Variants in CTNNA3 observed in about 807,000 individuals in gnomAD.
CTNNA3 encodes the protein catenin alpha-3.
A neutral mutation model predicts 95.7 loss-of-function variants in CTNNA3; 76 were observed. The ratio of observed to expected loss-of-function variants is 0.79; its 90% CI spans 0.66 to 0.96. The LOEUF is 0.96. CTNNA3 is among the 40% of genes least tolerant of loss of function. The pLI, the probability that CTNNA3 is intolerant of heterozygous loss-of-function variation, is 0.00. For missense variants in CTNNA3, 1,191 were observed against 1,089.8 expected (o/e 1.09, Z -1.31); for synonymous variants, 431 against 374.4 (o/e 1.15, Z -1.74).
chr10:67,436,109 C>G (rs867697787), intron 5 of CTNNA3, among the ~76,000 whole-genome samples: 1 of 152,092 alleles, frequency 6.6e-6, no homozygotes, highest in Non-Finnish European at 1.5e-5. Flanking sequence ...CAGCATGGTA[C>G]TGGTATAAAA....
chr10:66,851,672 G>T (rs928466315), intron 7 of CTNNA3, among the ~76,000 whole-genome samples: 69 of 111,604 alleles, frequency 6.2e-4, no homozygotes, highest in African/African-American at 2.4e-3. Flanking sequence ...ACACACACAC[G>T]CCATGTGATA....
intron 7 of CTNNA3, among the ~76,000 whole-genome samples, chr10:67,023,860 C>A (rs1564838533): frequency 6.6e-6 from 1 of 152,124 alleles, no homozygotes; most frequent in South Asian, 2.1e-4. Context: ...TATGTAACTT[C>A]AGGTAGAATG....
At position 67,325,441 on chromosome 10, in the gene CTNNA3, C is replaced by G. The variant is rs779764010; in HGVS notation, c.580-105571G>C. Among the ~76,000 whole-genome samples the G allele has an allele frequency of 7.9e-4, 121 of 152,242 alleles. No individual in the cohort carries two copies. In the Middle Eastern group the frequency reaches 0.02, roughly 26 times the overall value. ...GATTCTGGTATGTTGTATCTTTGTT[C>G]TCACTGGTTTCAAAGAACTTCTTAG... is the stretch of plus-strand genomic sequence containing the variant. On this transcript the variant is annotated intron_variant, in intron 5 of 17. Coordinates refer to ENST00000433211, the MANE Select transcript of CTNNA3 (RefSeq NM_013266.4).
intron 13 of CTNNA3, among the ~76,000 whole-genome samples, chr10:66,163,441 G>A (rs2084956651): frequency 6.6e-6 from 1 of 152,042 alleles, no homozygotes; most frequent in Admixed American, 6.6e-5. Context: ...CTCATCTCCA[G>A]GTAAAGTCAG....
At chr10:66,765,850 T>C (rs1384905561) in intron 9 of CTNNA3, among the ~76,000 whole-genome samples, 2 of 152,162 alleles carry the variant, frequency 1.3e-5, no homozygotes, top group Non-Finnish European at 2.9e-5. Flanking sequence ...CCCTGTATAT[T>C]CCTATATTCT....
chr10:67,319,527 TA>T (rs541952786), intron 5 of CTNNA3, among the ~76,000 whole-genome samples: 2 of 152,196 alleles, frequency 1.3e-5, no homozygotes, highest in East Asian at 1.9e-4. Context: ...TGGAGCTCCC[TA>T]AAAAAAGTGC....
At chr10:67,308,151 C>A (rs10997610) in intron 5 of CTNNA3, among the ~76,000 whole-genome samples, 3,886 of 152,224 alleles carry the variant, frequency 0.026, 71 homozygotes, top group Non-Finnish European at 0.038. Context: ...CTCTTTTGGC[C>A]TACATACTTA....
chr10:67,035,401 T>A (rs1853982703), intron 7 of CTNNA3, among the ~76,000 whole-genome samples: 1 of 152,204 alleles, frequency 6.6e-6, no homozygotes, highest in African/African-American at 2.4e-5. Flanking sequence ...TTTATATTTA[T>A]ATGCGTTATT....
At chr10:66,670,875 T>C (rs1201955259) in intron 9 of CTNNA3, among the ~76,000 whole-genome samples, 3 of 152,208 alleles carry the variant, frequency 2.0e-5, no homozygotes, top group Non-Finnish European at 4.4e-5. Context: ...TCTCAGTCTA[T>C]GAAACATAAC....
chr10:66,741,541 C>CA (rs1225791224), intron 9 of CTNNA3, among the ~76,000 whole-genome samples: 1 of 152,132 alleles, frequency 6.6e-6, no homozygotes, highest in African/African-American at 2.4e-5. Context: ...AAGAGACCTT[C>CA]AGGATAAACT....
At chr10:67,486,425 G>T (rs1848451747) in intron 5 of CTNNA3, among the ~76,000 whole-genome samples, 1 of 151,862 alleles carries the variant, frequency 6.6e-6, no homozygotes, top group Admixed American at 6.6e-5. Flanking sequence ...CACTACTTTT[G>T]CTTCACTGTG....
chr10:67,094,063 C>G (rs1292143253), intron 7 of CTNNA3, among the ~76,000 whole-genome samples: 2 of 151,764 alleles, frequency 1.3e-5, no homozygotes, highest in Non-Finnish European at 2.9e-5. Flanking sequence ...ATACCCTAAG[C>G]TGAGAAAGTA....
chr10:67,630,852 C>G (rs747669590), intron 2 of CTNNA3, among the ~76,000 whole-genome samples: 4 of 152,108 alleles, frequency 2.6e-5, no homozygotes, highest in Non-Finnish European at 5.9e-5. Context: ...TTTGTTATTA[C>G]TATTATTTTA....
At chr10:66,167,414 G>A (rs1194288545) in intron 13 of CTNNA3, among the ~76,000 whole-genome samples, 1 of 152,104 alleles carries the variant, frequency 6.6e-6, no homozygotes, top group Non-Finnish European at 1.5e-5. Flanking sequence ...CTTTGTATCT[G>A]CCCTAGAGAT....
At position 66,187,356 on chromosome 10, in the gene CTNNA3, A is replaced by G. The variant is rs186225126; in HGVS notation, c.1885-84107T>C. Among the ~76,000 whole-genome samples, 293 of 151,370 alleles carry G rather than the reference A, an allele frequency of 1.9e-3. 1 individual carries two copies. The highest frequency in any genetic ancestry group is 6.6e-3 in the African/African-American group (271 of 41,186). Reference sequence around the variant, plus strand: ...CAACCACAAAAAAGGAAAAGCTAGGAATGAGTTATTCATAGGTGGATTAGA... The same window carrying G: ...CAACCACAAAAAAGGAAAAGCTAGGGATGAGTTATTCATAGGTGGATTAGA... On this transcript the variant is annotated intron_variant, in intron 13 of 17. Coordinates refer to ENST00000433211, the MANE Select transcript of CTNNA3 (RefSeq NM_013266.4).
chr10:65,957,980 T>C (rs1283076087), intron 17 of CTNNA3, among the ~76,000 whole-genome samples: 2 of 152,238 alleles, frequency 1.3e-5, no homozygotes, highest in Non-Finnish European at 2.9e-5. Flanking sequence ...GAAGAGTGTT[T>C]TCCAGCTTGG....
rs141303935 is a variant in CTNNA3 at position 66,957,681 on chromosome 10, C to T, written c.1048-182157G>A. Among the ~76,000 whole-genome samples the T allele has an allele frequency of 1.2e-4, 18 of 151,670 alleles. No individual in the cohort carries two copies. In the South Asian group the frequency reaches 1.7e-3, roughly 14 times the overall value. On this transcript the variant is annotated intron_variant, in intron 7 of 17. Coordinates refer to ENST00000433211, the MANE Select transcript of CTNNA3 (RefSeq NM_013266.4). ...AGCAAACCTTTGCAAAAATGTAGGC[C>T]GACTTAGGGGGAGCTGGCAAGGATG...
chr10:66,542,863 T>G (rs1237997886), intron 10 of CTNNA3, among the ~76,000 whole-genome samples: 2 of 152,018 alleles, frequency 1.3e-5, no homozygotes, highest in African/African-American at 4.8e-5. Flanking sequence ...GTTGTGCACA[T>G]GTACCCTAGA....
chr10:67,221,664 T>C (rs1168349825), intron 5 of CTNNA3, among the ~76,000 whole-genome samples: 1 of 152,124 alleles, frequency 6.6e-6, no homozygotes, highest in Non-Finnish European at 1.5e-5. Context: ...AAGCTCCGCC[T>C]CCTGGGTTTA....
Sources: allele counts gnomAD v4.1 joint callset (sites outside exome capture counted in the v4.1 genomes callset), GRCh38; gene constraint gnomAD v4.1.1; transcripts MANE v1.5; gene names NCBI Gene and HGNC (gene_info 2026-07-23, HGNC 2026-07-21).